The following DIS3L2 variants were observed in gnomAD, a reference collection of about 807,000 sequenced individuals.
DIS3L2 encodes the protein DIS3-like exonuclease 2.
A neutral mutation model predicts 97.5 loss-of-function variants in DIS3L2; 34 were observed. The observed-to-expected ratio is 0.35, with a 90% CI of 0.27 to 0.46. DIS3L2 has a LOEUF of 0.46. DIS3L2 is among the 20% of genes least tolerant of loss of function. The pLI, the probability that DIS3L2 is intolerant of heterozygous loss-of-function variation, is 1.00. For missense variants in DIS3L2, 1,038 were observed against 1,146.0 expected (o/e 0.91, Z 1.36); for synonymous variants, 435 against 445.2 (o/e 0.98, Z 0.29).
At chr2:232,145,846 G>T (rs1431020251) in intron 8 of DIS3L2, among the ~76,000 whole-genome samples, 1 of 152,016 alleles carries the variant, frequency 6.6e-6, no homozygotes, top group Non-Finnish European at 1.5e-5. Flanking sequence ...GACACCAAAG[G>T]CATACAAGTC....
intron 1 of DIS3L2, among the ~76,000 whole-genome samples, chr2:231,984,850 A>T (rs187698929): frequency 6.6e-6 from 1 of 152,032 alleles, no homozygotes; most frequent in East Asian, 1.9e-4. Context: ...TGAACTCCTG[A>T]CCTCAAGTTA....
chr2:232,130,662 C>T lies in DIS3L2; in HGVS notation c.645C>T (p.Thr215=). The T allele has an allele frequency of 6.2e-7, 1 of 1,613,708 alleles. No individual in the cohort carries two copies. Among genetic ancestry groups the T allele is most frequent in the Non-Finnish European group, 8.5e-7 (1 of 1,179,798 alleles). The change falls in exon 7 of 21, where the codon ACC becomes ACT. Residue 215 remains threonine, a synonymous_variant. Transcript: ENST00000325385. ...CACCGGTTACAAAAGATGAGACCAC[C>T]TGCATTTCACAAGACACAAGAGCTT... ...GDAPVTKDET[T]CISQDTRALS... is the part of the protein sequence containing the mutation.
intron 5 of DIS3L2, among the ~76,000 whole-genome samples, chr2:232,081,548 C>T (rs1696397424): frequency 6.6e-6 from 1 of 151,948 alleles, no homozygotes; most frequent in Admixed American, 6.5e-5. Flanking sequence ...AACTTTACCT[C>T]ATCAATTACT....
chr2:232,068,131 A>G (rs1337967794), intron 5 of DIS3L2, among the ~76,000 whole-genome samples: 1 of 152,226 alleles, frequency 6.6e-6, no homozygotes, highest in Non-Finnish European at 1.5e-5. Context: ...AGAAGAAGGC[A>G]AGGATGATTA....
chr2:232,276,919 T>C lies in DIS3L2; in HGVS notation c.1659+13479T>C, dbSNP rs550741112. On this transcript the variant is annotated intron_variant, in intron 13 of 20. Transcript: ENST00000325385. The surrounding 1 kb of genome is among the most constrained non-coding windows in gnomAD (Gnocchi z 4.4). ...AGGGATTAGCTGTGTGGCCAGATGG[T>C]GAGAAAGGGCCCACTTCTGTCTTCA... is the stretch of plus-strand genomic sequence containing the variant. Among the ~76,000 whole-genome samples, 6 of 152,260 alleles carry C rather than the reference T, an allele frequency of 3.9e-5. No homozygotes were observed. The highest frequency in any genetic ancestry group is 2.9e-5 in the Non-Finnish European group (2 of 68,012).
intron 10 of DIS3L2, among the ~76,000 whole-genome samples, chr2:232,214,678 C>G (rs1692284557): frequency 6.6e-6 from 1 of 152,222 alleles, no homozygotes; most frequent in Non-Finnish European, 1.5e-5. Flanking sequence ...GGCCTACTCT[C>G]TCCTTGCCAG....
At position 232,271,061 on chromosome 2, in the gene DIS3L2, A is replaced by G. The variant is rs182534324; in HGVS notation, c.1659+7621A>G. Among the ~76,000 whole-genome samples the G allele has an allele frequency of 3.9e-5, 6 of 152,312 alleles. No individual in the cohort carries two copies. The South Asian group carries it at 6.2e-4, about 16-fold the overall frequency. On this transcript the variant is annotated intron_variant, in intron 13 of 20. Coordinates refer to ENST00000325385, the MANE Select transcript of DIS3L2 (RefSeq NM_152383.5). Reference sequence around the variant, plus strand: ...CTACAAAGAGCTCAATGTGTCACAGACACTTCTCGTTGTGTTACTTATTTT... The same window carrying G: ...CTACAAAGAGCTCAATGTGTCACAGGCACTTCTCGTTGTGTTACTTATTTT...
intron 11 of DIS3L2, among the ~76,000 whole-genome samples, chr2:232,246,184 A>G (rs1294147000): frequency 6.6e-6 from 1 of 152,194 alleles, no homozygotes; most frequent in Non-Finnish European, 1.5e-5. Flanking sequence ...GATGGCCCCA[A>G]ATCCTCTTTG....
In DIS3L2 at chr2:232,336,659, C is replaced by CCGCCTGCCT. The variant is rs1454337642; in HGVS notation, c.*30_*38dup. On this transcript the variant is annotated 3_prime_UTR_variant, in exon 21 of 21. Transcript: ENST00000325385. ...CCACCAGCCGCCTGCCCCGCCTGCC[C>CCGCCTGCCT]CGCCTGCCTGTCCCGCCACACTGGC... 11 of 1,549,274 alleles carry CCGCCTGCCT rather than the reference C, an allele frequency of 7.1e-6. No homozygotes were observed. In the East Asian group the frequency reaches 2.2e-4, roughly 31 times the overall value.
intron 9 of DIS3L2, among the ~76,000 whole-genome samples, chr2:232,209,601 G>A (rs1338832079): frequency 1.3e-5 from 2 of 152,150 alleles, no homozygotes; most frequent in African/African-American, 4.8e-5. Context: ...TCCTCGGGCA[G>A]GAAAGGCTGG....
intron 5 of DIS3L2, among the ~76,000 whole-genome samples, chr2:232,086,840 T>C (rs554148106): frequency 4.6e-5 from 7 of 150,846 alleles, no homozygotes; most frequent in African/African-American, 1.7e-4. Flanking sequence ...CCACAACTCC[T>C]GGCTAATTTT....
chr2:232,252,259 A>T (rs1295186030), intron 12 of DIS3L2, among the ~76,000 whole-genome samples: 4 of 152,166 alleles, frequency 2.6e-5, no homozygotes. Context: ...AGTACAAAAA[A>T]TTAGCTGGGC....
intron 8 of DIS3L2, among the ~76,000 whole-genome samples, chr2:232,154,701 C>G (rs1407511556): frequency 6.8e-6 from 1 of 147,280 alleles, no homozygotes; most frequent in Non-Finnish European, 1.5e-5. Context: ...CAGAGGCAGG[C>G]AGGCCTCCTT....
chr2:232,042,180 C>T (rs1456232394), intron 5 of DIS3L2, among the ~76,000 whole-genome samples: 1 of 152,108 alleles, frequency 6.6e-6, no homozygotes, highest in Non-Finnish European at 1.5e-5. Flanking sequence ...AATCAAAGTA[C>T]ACATTTAATC....
rs573655354 is a variant in DIS3L2 at position 232,011,375 on chromosome 2, A to C, written c.-93-3460A>C. ...TTTCTTTCTTTTTTTTTTTTTGAGA[A>C]GGAGTTTTGTTCTTGTTGCCCAGGC... is the stretch of plus-strand genomic sequence containing the variant. On this transcript the variant is annotated intron_variant, in intron 1 of 20. Coordinates refer to ENST00000325385, the MANE Select transcript of DIS3L2 (RefSeq NM_152383.5). 1.1e-4 allele frequency among the ~76,000 whole-genome samples: 16 copies of C among 151,478 alleles called. No homozygotes were observed. In the South Asian group the frequency reaches 3.3e-3, roughly 32 times the overall value.
chr2:232,004,339 C>T (rs896828833), intron 1 of DIS3L2, among the ~76,000 whole-genome samples: 2 of 152,182 alleles, frequency 1.3e-5, no homozygotes, highest in Non-Finnish European at 2.9e-5. Flanking sequence ...CCACAAAGTG[C>T]TGGGATTAAC....
At chr2:232,314,085 C>G (rs946452271) in intron 14 of DIS3L2, among the ~76,000 whole-genome samples, 20 of 152,342 alleles carry the variant, frequency 1.3e-4, no homozygotes, top group South Asian at 1.2e-3. Context: ...CCCACCTTTC[C>G]CTGATTTCCA....
At chr2:232,081,267 G>C (rs984864306) in intron 5 of DIS3L2, among the ~76,000 whole-genome samples, 1 of 152,090 alleles carries the variant, frequency 6.6e-6, no homozygotes, top group Non-Finnish European at 1.5e-5. Context: ...AGTGGGTTCA[G>C]GTATTGCCTC....
intron 15 of DIS3L2, among the ~76,000 whole-genome samples, 155 bp from the exon 16 acceptor site, chr2:232,330,535 C>A (rs911708918): frequency 6.6e-6 from 1 of 152,156 alleles, no homozygotes; most frequent in Non-Finnish European, 1.5e-5. Context: ...GGGCGGCTGC[C>A]CCCTCTCCCC....
Sources: allele counts gnomAD v4.1 joint callset (sites outside exome capture counted in the v4.1 genomes callset), GRCh38; gene constraint gnomAD v4.1.1; non-coding constraint Gnocchi (gnomAD v3.1); transcripts MANE v1.5; gene names NCBI Gene and HGNC (gene_info 2026-07-23, HGNC 2026-07-21).